The following NIBAN1 variants were observed in gnomAD, a reference collection of about 807,000 sequenced individuals.
NIBAN1 encodes niban apoptosis regulator 1.
NIBAN1 carries 81 observed loss-of-function variants against 75.1 expected under a neutral mutation model. The observed-to-expected ratio is 1.08, with a 90% CI of 0.90 to 1.30. The LOEUF is 1.30. Among genes scored for constraint, NIBAN1 ranks in the 50% most tolerant of loss-of-function variants. NIBAN1 has a pLI of 0.00. For synonymous variants in NIBAN1, 436 were observed against 424.8 expected (o/e 1.03, Z -0.32); for missense variants, 1,133 against 1,128.1 (o/e 1.00, Z -0.06).
At chr1:184,948,218 A>C (rs964598290) in intron 1 of NIBAN1, among the ~76,000 whole-genome samples, 1 of 152,216 alleles carries the variant, frequency 6.6e-6, no homozygotes, top group South Asian at 2.1e-4. Context: ...ACTTAGAAAG[A>C]GCTAATTCCA....
chr1:184,973,784 G>A (rs1658996928), intron 1 of NIBAN1, among the ~76,000 whole-genome samples: 1 of 152,224 alleles, frequency 6.6e-6, no homozygotes, highest in Non-Finnish European at 1.5e-5. Context: ...TTTTGCCGCT[G>A]ATGAAATCAT....
At chr1:184,883,027 C>G (rs1465985240) in intron 5 of NIBAN1, among the ~76,000 whole-genome samples, 1 of 152,072 alleles carries the variant, frequency 6.6e-6, no homozygotes, top group African/African-American at 2.4e-5. Context: ...TATCTTTTTC[C>G]GTGAGTCCCC....
At chr1:184,869,574 A>G (rs1217808283) in intron 5 of NIBAN1, among the ~76,000 whole-genome samples, 1 of 149,166 alleles carries the variant, frequency 6.7e-6, no homozygotes, top group Non-Finnish European at 1.5e-5. Context: ...ACAGAGTTTC[A>G]CTCTGTTTCC....
At chr1:184,866,291 C>T (rs1222019936) in intron 5 of NIBAN1, among the ~76,000 whole-genome samples, 1 of 152,116 alleles carries the variant, frequency 6.6e-6, no homozygotes, top group Admixed American at 6.5e-5. Context: ...TTTCACCTAC[C>T]TGAAAGATTA....
chr1:184,972,270 C>G (rs1658959233), intron 1 of NIBAN1, among the ~76,000 whole-genome samples: 2 of 152,170 alleles, frequency 1.3e-5, no homozygotes, highest in South Asian at 4.1e-4. Flanking sequence ...TACTTCCAAT[C>G]GTTTTGCTTA....
At chr1:184,810,697 C>T (rs552854372) in intron 9 of NIBAN1, among the ~76,000 whole-genome samples, 126 of 152,300 alleles carry the variant, frequency 8.3e-4, no homozygotes, top group African/African-American at 2.7e-3. Flanking sequence ...GATTCCTGTA[C>T]GTCACCTTAC....
chr1:184,853,480 T>G (rs556117831), intron 5 of NIBAN1, among the ~76,000 whole-genome samples: 2 of 152,334 alleles, frequency 1.3e-5, no homozygotes, highest in African/African-American at 4.8e-5. Flanking sequence ...GCATTTACAT[T>G]TGAATTCAAA....
intron 8 of NIBAN1, 143 bp downstream of exon 8, chr1:184,823,024 G>C: frequency 2.1e-6 from 2 of 954,138 alleles, no homozygotes; most frequent in Non-Finnish European, 3.1e-6. Flanking sequence ...GGTACCTCCA[G>C]CATGTTCCTG....
chr1:184,861,265 T>A (rs2102275794), intron 5 of NIBAN1, among the ~76,000 whole-genome samples: 1 of 152,352 alleles, frequency 6.6e-6, no homozygotes, highest in Admixed American at 6.5e-5. Context: ...GTTCACAGAT[T>A]CCTTTCCTTG....
chr1:184,941,021 G>T (rs1658075811), intron 1 of NIBAN1, among the ~76,000 whole-genome samples: 1 of 152,202 alleles, frequency 6.6e-6, no homozygotes, highest in South Asian at 2.1e-4. Flanking sequence ...TTATTTTCCA[G>T]TTCACATTAT....
At chr1:184,881,503 T>G (rs1281257351) in intron 5 of NIBAN1, among the ~76,000 whole-genome samples, 1 of 152,076 alleles carries the variant, frequency 6.6e-6, no homozygotes, top group South Asian at 2.1e-4. Context: ...AGGAAAGGGG[T>G]CCCGATCCAG....
chr1:184,922,210 G>A (rs1657572661), intron 1 of NIBAN1, among the ~76,000 whole-genome samples: 1 of 151,898 alleles, frequency 6.6e-6, no homozygotes, highest in Non-Finnish European at 1.5e-5. Context: ...AAATAGGGTA[G>A]CCATCACATC....
chr1:184,912,153 T>C (rs1010247133), intron 1 of NIBAN1, among the ~76,000 whole-genome samples: 1 of 152,206 alleles, frequency 6.6e-6, no homozygotes, highest in Non-Finnish European at 1.5e-5. Context: ...AGCTCATATA[T>C]GTATGTAAAT....
Position 184,793,083 on chromosome 1 carries a change from CTGAG to C in NIBAN1, c.*1890_*1893del, listed in dbSNP as rs1357164284. 1.3e-5 allele frequency: 2 copies of C among 152,152 alleles called. No homozygotes were observed. Among genetic ancestry groups the C allele is most frequent in the East Asian group, 1.9e-4 (1 of 5,192 alleles). 9.4% of individuals were successfully genotyped at this position (152,152 alleles called of 1,614,324 possible). A position where few individuals can be genotyped will look rare whatever the true frequency, so the allele number is the denominator to read the frequency against. ...AATTAAATATGATATTATACATATA[CTGAG>C]TATTATTCATGTTTATGACCTAGAA... On this transcript the variant is annotated 3_prime_UTR_variant, in exon 14 of 14. Coordinates refer to ENST00000367511, the MANE Select transcript of NIBAN1 (RefSeq NM_052966.4).
chr1:184,824,787 G>A (rs1240707906), intron 6 of NIBAN1, among the ~76,000 whole-genome samples: 1 of 151,892 alleles, frequency 6.6e-6, no homozygotes, highest in African/African-American at 2.4e-5. Context: ...TTTTTTCGGG[G>A]GGAAGGGGCA....
At chr1:184,861,573 G>A (rs895856490) in intron 5 of NIBAN1, among the ~76,000 whole-genome samples, 8 of 137,702 alleles carry the variant, frequency 5.8e-5, no homozygotes, top group Non-Finnish European at 1.5e-5. Flanking sequence ...AAGGAGAGAA[G>A]GAAGGAAGGA....
Position 184,818,911 on chromosome 1 carries a change from C to T in NIBAN1, c.986-86G>A, listed in dbSNP as rs1012918126. On this transcript the variant is annotated intron_variant, in intron 8 of 13. Coordinates refer to ENST00000367511, the MANE Select transcript of NIBAN1 (RefSeq NM_052966.4). ...GAGCCAGACCAGAGCTGAATGGTGC[C>T]CCACGGAGCCATTTAACAGCCAAGG... 8 of 1,423,242 alleles carry T rather than the reference C, an allele frequency of 5.6e-6. No homozygotes were observed. In the African/African-American group the frequency reaches 8.5e-5, roughly 15 times the overall value. 88.2% of individuals were successfully genotyped at this position (1,423,242 alleles called of 1,614,324 possible). A position where few individuals can be genotyped will look rare whatever the true frequency, so the allele number is the denominator to read the frequency against.
intron 1 of NIBAN1, among the ~76,000 whole-genome samples, chr1:184,911,787 A>G (rs234672): frequency 0.43 from 65,545 of 152,034 alleles, 14,271 homozygotes; most frequent in East Asian, 0.54. Flanking sequence ...ATAGACTACT[A>G]TAACAACAGT....
intron 5 of NIBAN1, among the ~76,000 whole-genome samples, chr1:184,836,603 G>C (rs1655152306): frequency 6.6e-6 from 1 of 152,140 alleles, no homozygotes; most frequent in African/African-American, 2.4e-5. Context: ...AGTCAAAGAA[G>C]GAACCAGAAG....
Sources: allele counts gnomAD v4.1 joint callset (sites outside exome capture counted in the v4.1 genomes callset), GRCh38; gene constraint gnomAD v4.1.1; transcripts MANE v1.5; gene names NCBI Gene and HGNC (gene_info 2026-07-23, HGNC 2026-07-21).